The following THSD7A variants were observed in gnomAD, a reference collection of about 807,000 sequenced individuals.
THSD7A encodes the protein thrombospondin type 1 domain containing 7A.
A neutral mutation model predicts 231.3 loss-of-function variants in THSD7A; 96 were observed. The observed-to-expected ratio is 0.41, with a 90% CI of 0.35 to 0.49. THSD7A has a LOEUF of 0.49. Ranked by LOEUF, THSD7A falls within the 20% of genes least tolerant of loss-of-function variation. The pLI, the probability that THSD7A is intolerant of heterozygous loss-of-function variation, is 0.05. For missense variants in THSD7A, 2,290 were observed against 2,070.2 expected, an observed-to-expected ratio of 1.11 and a Z score of -2.06; for synonymous variants, 940 against 743.3, an observed-to-expected ratio of 1.26 and a Z score of -4.30.
chr7:11,664,385 T>C (rs1013582495), intron 1 of THSD7A, among the ~76,000 whole-genome samples: 2 of 151,870 alleles, frequency 1.3e-5, no homozygotes, highest in Admixed American at 6.6e-5. Context: ...CTTACTTATC[T>C]CCCATAAGCA....
intron 23 of THSD7A, among the ~76,000 whole-genome samples, chr7:11,387,385 C>T (rs1782791999): frequency 6.6e-6 from 1 of 152,126 alleles, no homozygotes; most frequent in South Asian, 2.1e-4. Context: ...TCTCTGATTT[C>T]CTTGAGCAGT....
At chr7:11,387,648 C>T (rs1782804635) in intron 23 of THSD7A, among the ~76,000 whole-genome samples, 1 of 152,202 alleles carries the variant, frequency 6.6e-6, no homozygotes, top group African/African-American at 2.4e-5. Flanking sequence ...ATCATGTCAT[C>T]TGCAAACAGA....
chr7:11,525,224 T>C (rs572729375), intron 6 of THSD7A, among the ~76,000 whole-genome samples: 3 of 152,198 alleles, frequency 2.0e-5, no homozygotes, highest in African/African-American at 7.2e-5. Context: ...CTGCAATCAA[T>C]AGATCATGCC....
chr7:11,548,552 A>C (rs1461212216), intron 4 of THSD7A, among the ~76,000 whole-genome samples: 2 of 152,032 alleles, frequency 1.3e-5, no homozygotes, highest in African/African-American at 4.8e-5. Flanking sequence ...CAGAGACACA[A>C]CAACAAAAAA....
chr7:11,451,196 A>G lies in THSD7A; in HGVS notation c.2606-3772T>C, dbSNP rs551163168. Among the ~76,000 whole-genome samples, 15 of 152,152 alleles carry G rather than the reference A, an allele frequency of 9.9e-5. No individual in the cohort carries two copies. The South Asian group carries it at 3.1e-3, about 32-fold the overall frequency. On this transcript the variant is annotated intron_variant, in intron 11 of 27. Coordinates refer to ENST00000423059, the MANE Select transcript of THSD7A (RefSeq NM_015204.3). ...AAAAGGGAGCTATAACTGTTGTCAGATTAAAAGTGACCTAAGAAATACACG... is the reference window on the plus strand; with the variant it reads ...AAAAGGGAGCTATAACTGTTGTCAGGTTAAAAGTGACCTAAGAAATACACG...
At chr7:11,398,962 T>C (rs945876549) in intron 23 of THSD7A, among the ~76,000 whole-genome samples, 1 of 152,216 alleles carries the variant, frequency 6.6e-6, no homozygotes, top group African/African-American at 2.4e-5. Context: ...CATCCCGTTG[T>C]TTACTACTCT....
intron 4 of THSD7A, among the ~76,000 whole-genome samples, chr7:11,548,674 G>A (rs545612516): frequency 1.3e-5 from 2 of 152,074 alleles, no homozygotes; most frequent in Non-Finnish European, 2.9e-5. Context: ...AATCAAGTTG[G>A]CTTTATTCCT....
At chr7:11,414,585 C>T (rs1783897008) in intron 17 of THSD7A, among the ~76,000 whole-genome samples, 1 of 152,138 alleles carries the variant, frequency 6.6e-6, no homozygotes, top group African/African-American at 2.4e-5. Flanking sequence ...ATGTAAAGCT[C>T]TCCTTTCTAA....
chr7:11,676,255 C>T (rs1783631576), intron 1 of THSD7A, among the ~76,000 whole-genome samples: 1 of 152,122 alleles, frequency 6.6e-6, no homozygotes, highest in South Asian at 2.1e-4. Flanking sequence ...AAAACTCCAT[C>T]TGAAGGTCAC....
At chr7:11,660,149 A>G (rs1782873809) in intron 1 of THSD7A, among the ~76,000 whole-genome samples, 1 of 151,594 alleles carries the variant, frequency 6.6e-6, no homozygotes, top group Non-Finnish European at 1.5e-5. Flanking sequence ...TTTCTCCTAG[A>G]AAAATTTACA....
intron 6 of THSD7A, among the ~76,000 whole-genome samples, chr7:11,529,424 C>A (rs929701931): frequency 6.6e-6 from 1 of 152,034 alleles, no homozygotes; most frequent in Non-Finnish European, 1.5e-5. Flanking sequence ...ATATGGTTTG[C>A]GTGTGTCCCG....
intron 23 of THSD7A, among the ~76,000 whole-genome samples, chr7:11,391,142 C>G (rs1782964877): frequency 6.6e-6 from 1 of 152,208 alleles, no homozygotes; most frequent in Non-Finnish European, 1.5e-5. Context: ...ATCTGCTGCT[C>G]TCTTCAGAGC....
chr7:11,689,797 C>A (rs1256717290), intron 1 of THSD7A, among the ~76,000 whole-genome samples: 3 of 143,356 alleles, frequency 2.1e-5, no homozygotes, highest in African/African-American at 7.8e-5. Flanking sequence ...AATTCTCACC[C>A]ATTTGGAATT....
intron 1 of THSD7A, among the ~76,000 whole-genome samples, chr7:11,808,195 C>T (rs964723660): frequency 1.3e-5 from 2 of 152,066 alleles, no homozygotes; most frequent in Non-Finnish European, 2.9e-5. Flanking sequence ...GAATGTGTCC[C>T]TTCCAAAATT....
intron 1 of THSD7A, among the ~76,000 whole-genome samples, chr7:11,730,220 T>A (rs1781683180): frequency 6.6e-6 from 1 of 151,660 alleles, no homozygotes; most frequent in Non-Finnish European, 1.5e-5. Context: ...TTAATCAGAA[T>A]TAAAATTTAA....
chr7:11,432,203 C>T (rs1784496759), intron 13 of THSD7A, among the ~76,000 whole-genome samples: 1 of 152,008 alleles, frequency 6.6e-6, no homozygotes, highest in African/African-American at 2.4e-5. Context: ...ACAAGCTTTA[C>T]TTTTAATCAT....
chr7:11,536,843 G>A (rs1216208017), intron 6 of THSD7A, among the ~76,000 whole-genome samples: 2 of 128,400 alleles, frequency 1.6e-5, no homozygotes, highest in Non-Finnish European at 1.6e-5. Flanking sequence ...TTCCTGGCAT[G>A]CTTGCTTTGC....
At chr7:11,382,109 A>G (rs1782539914) in intron 24 of THSD7A, among the ~76,000 whole-genome samples, 1 of 152,146 alleles carries the variant, frequency 6.6e-6, no homozygotes, top group African/African-American at 2.4e-5. Context: ...GATTTGTATA[A>G]TCATATTCCC....
chr7:11,775,709 T>G (rs2128172919), intron 1 of THSD7A, among the ~76,000 whole-genome samples: 1 of 152,278 alleles, frequency 6.6e-6, no homozygotes, highest in Non-Finnish European at 1.5e-5. Flanking sequence ...AAATTATTGT[T>G]TAACTGGTAC....
Sources: gnomAD v4.1 joint callset for allele counts (sites outside exome capture counted in the v4.1 genomes callset) on GRCh38, gnomAD v4.1.1 for gene constraint, MANE v1.5 for transcripts, NCBI Gene and HGNC (gene_info 2026-07-23, HGNC 2026-07-21) for gene names.